The following MDGA2 variants were observed in gnomAD, a reference collection of about 807,000 sequenced individuals.
MDGA2 encodes MAM domain-containing glycosylphosphatidylinositol anchor protein 2.
Under a neutral mutation model 117.8 loss-of-function variants are expected in MDGA2, and 40 were observed. That is an observed-to-expected ratio of 0.34 (90% confidence interval 0.26 to 0.44). The LOEUF (loss-of-function observed/expected upper bound fraction) is 0.44. Ranked by LOEUF, MDGA2 falls within the 20% of genes least tolerant of loss-of-function variation. The probability of loss-of-function intolerance (pLI) is 1.00; values close to 1 mark genes in which losing one functional copy is unlikely to be tolerated. For synonymous variants in MDGA2, 452 were observed against 439.0 expected (o/e 1.03, Z -0.37); for missense variants, 1,123 against 1,250.6 (o/e 0.90, Z 1.54).
intron 8 of MDGA2, among the ~76,000 whole-genome samples, chr14:46,984,891 A>G (rs1886808229): frequency 6.6e-6 from 1 of 152,094 alleles, no homozygotes; most frequent in South Asian, 2.1e-4. Context: ...CAGTCATTCT[A>G]AATTATACTT....
intron 1 of MDGA2, among the ~76,000 whole-genome samples, chr14:47,318,391 A>G (rs1430506044): frequency 2.6e-5 from 4 of 152,004 alleles, no homozygotes; most frequent in South Asian, 2.1e-4. Flanking sequence ...CTAGTTTCGA[A>G]GTCCTTTCCA....
chr14:47,513,279 T>A (rs947383252), intron 1 of MDGA2, among the ~76,000 whole-genome samples: 3 of 152,156 alleles, frequency 2.0e-5, no homozygotes, highest in African/African-American at 4.8e-5. Flanking sequence ...CATTTTTTTA[T>A]ATGGCTGATA....
intron 10 of MDGA2, among the ~76,000 whole-genome samples, chr14:46,907,565 G>C (rs1883546161): frequency 6.6e-6 from 1 of 151,970 alleles, no homozygotes; most frequent in Admixed American, 6.6e-5. Flanking sequence ...ATATGTATTT[G>C]ATTTCCATAT....
intron 3 of MDGA2, among the ~76,000 whole-genome samples, chr14:47,209,097 T>C (rs929081280): frequency 6.6e-6 from 1 of 152,174 alleles, no homozygotes; most frequent in Non-Finnish European, 1.5e-5. Context: ...GGCTAATGAA[T>C]GTCATGCATC....
intron 9 of MDGA2, among the ~76,000 whole-genome samples, chr14:46,934,047 A>G (rs1884689519): frequency 6.6e-6 from 1 of 151,678 alleles, no homozygotes; most frequent in African/African-American, 2.4e-5. Context: ...CAAAAGGATT[A>G]CTTAAATTTG....
At chr14:47,438,786 T>A (rs777298685) in intron 1 of MDGA2, among the ~76,000 whole-genome samples, 1 of 152,076 alleles carries the variant, frequency 6.6e-6, no homozygotes, top group African/African-American at 2.4e-5. Flanking sequence ...TGCTTGGCAA[T>A]GTGCTCCAAG....
chr14:46,857,578 G>A (rs1054853899), intron 14 of MDGA2, among the ~76,000 whole-genome samples: 1 of 151,918 alleles, frequency 6.6e-6, no homozygotes, highest in African/African-American at 2.4e-5. Flanking sequence ...GTTTTCTTTA[G>A]ATTCATCTTG....
chr14:47,228,920 T>A (rs1157538778), intron 2 of MDGA2, among the ~76,000 whole-genome samples: 1 of 152,090 alleles, frequency 6.6e-6, no homozygotes, highest in East Asian at 1.9e-4. Context: ...GCTGGCCACT[T>A]AGGCACCCTC....
chr14:46,991,802 T>C (rs994202668), intron 8 of MDGA2, among the ~76,000 whole-genome samples: 2 of 152,160 alleles, frequency 1.3e-5, no homozygotes, highest in African/African-American at 4.8e-5. Context: ...TAAAAGTTAA[T>C]GTTCAAATAT....
At chr14:47,236,686 A>G (rs1344964719) in intron 2 of MDGA2, among the ~76,000 whole-genome samples, 1 of 152,198 alleles carries the variant, frequency 6.6e-6, no homozygotes, top group Non-Finnish European at 1.5e-5. Context: ...AGCAGATAAA[A>G]GGATGCTGTG....
At chr14:47,487,021 C>A (rs1167903679) in intron 1 of MDGA2, among the ~76,000 whole-genome samples, 1 of 152,160 alleles carries the variant, frequency 6.6e-6, no homozygotes, top group Non-Finnish European at 1.5e-5. Context: ...CATTTATTAT[C>A]AATTCACAGT....
intron 7 of MDGA2, among the ~76,000 whole-genome samples, chr14:47,043,423 G>A (rs934581269): frequency 6.6e-6 from 1 of 151,966 alleles, no homozygotes; most frequent in East Asian, 1.9e-4. Flanking sequence ...TGTGGTGGTG[G>A]TTTGAAAATA....
chr14:47,177,683 G>T (rs1224123055), intron 3 of MDGA2, among the ~76,000 whole-genome samples: 1 of 152,108 alleles, frequency 6.6e-6, no homozygotes, highest in African/African-American at 2.4e-5. Flanking sequence ...ATAGCAGTAG[G>T]AGATATACCT....
intron 1 of MDGA2, among the ~76,000 whole-genome samples, chr14:47,656,113 C>A (rs531079495): frequency 6.6e-6 from 1 of 152,256 alleles, no homozygotes; most frequent in East Asian, 1.9e-4. Flanking sequence ...AATTAAGAGA[C>A]CATGGTGCCA....
chr14:46,988,501 C>T (rs762351683), intron 8 of MDGA2, among the ~76,000 whole-genome samples: 3 of 152,040 alleles, frequency 2.0e-5, no homozygotes, highest in Non-Finnish European at 4.4e-5. Context: ...ATGGTGACAG[C>T]TGTGTTTCAG....
intron 2 of MDGA2, among the ~76,000 whole-genome samples, chr14:47,224,958 T>C (rs17118216): frequency 0.063 from 9,537 of 152,288 alleles, 349 homozygotes; most frequent in Non-Finnish European, 0.064. Flanking sequence ...GCATACAGGT[T>C]CAATTTTTAA....
intron 1 of MDGA2, among the ~76,000 whole-genome samples, chr14:47,568,789 A>C (rs1195548760): frequency 6.6e-6 from 1 of 152,180 alleles, no homozygotes; most frequent in African/African-American, 2.4e-5. Flanking sequence ...TTCATGATCA[A>C]CTTTTGATGA....
chr14:46,882,120 T>C lies in MDGA2; in HGVS notation c.2340A>G (p.Glu780=). ...GAGGAGTCAGTCGGACTTCATAAGC[T>C]TCTGGTTTAATTAGCTCTGTCAAGT... The part of the protein sequence containing the change: ...TYNLTELIKP[E]AYEVRLTPLT... The change falls in exon 11 of 17, where the codon GAA becomes GAG. Residue 780 remains glutamate, a synonymous_variant. Transcript: ENST00000399232. 6.2e-7 allele frequency: 1 copy of C among 1,612,542 alleles called. No homozygotes were observed. Among genetic ancestry groups the C allele is most frequent in the Non-Finnish European group, 8.5e-7 (1 of 1,179,058 alleles).
At chr14:47,463,701 G>C (rs1893539567) in intron 1 of MDGA2, among the ~76,000 whole-genome samples, 1 of 152,100 alleles carries the variant, frequency 6.6e-6, no homozygotes, top group African/African-American at 2.4e-5. Context: ...CATATACTTA[G>C]TATTATTAAA....
Sources: gnomAD v4.1 joint callset for allele counts (sites outside exome capture counted in the v4.1 genomes callset) on GRCh38, gnomAD v4.1.1 for gene constraint, MANE v1.5 for transcripts, NCBI Gene and HGNC (gene_info 2026-07-23, HGNC 2026-07-21) for gene names.